The following ELMO1 variants were observed in gnomAD, a reference collection of about 807,000 sequenced individuals.
ELMO1 encodes engulfment and cell motility 1.
In ELMO1, 26 loss-of-function variants were observed where a neutral mutation model predicts 98.9. The ratio of observed to expected loss-of-function variants is 0.26; its 90% CI spans 0.19 to 0.36. ELMO1 has a LOEUF of 0.36. Ranked by LOEUF, ELMO1 falls within the 10% of genes least tolerant of loss-of-function variation. ELMO1 has a pLI of 1.00. For missense variants in ELMO1, 627 were observed against 935.2 expected, an observed-to-expected ratio of 0.67 and a Z score of 4.30; for synonymous variants, 346 against 346.0, an observed-to-expected ratio of 1.00 and a Z score of 0.00.
intron 4 of ELMO1, among the ~76,000 whole-genome samples, chr7:37,292,842 G>A (rs1234885119): frequency 3.6e-5 from 4 of 110,350 alleles, no homozygotes; most frequent in African/African-American, 1.3e-4. Flanking sequence ...GGTGAGGGGC[G>A]CCTCTGCCCG....
At chr7:37,112,629 G>C (rs1281923131) in intron 14 of ELMO1, among the ~76,000 whole-genome samples, 1 of 152,142 alleles carries the variant, frequency 6.6e-6, no homozygotes, top group East Asian at 1.9e-4. Context: ...TTAGTTGTTA[G>C]GGTTGTTATA....
intron 15 of ELMO1, among the ~76,000 whole-genome samples, chr7:37,064,564 T>C (rs1562977190): frequency 6.6e-6 from 1 of 152,178 alleles, no homozygotes; most frequent in African/African-American, 2.4e-5. Context: ...CAGGAAATAA[T>C]ACGGGCAAAG....
chr7:37,375,856 G>A, intron 1 of ELMO1: 1 of 714,062 alleles, frequency 1.4e-6, no homozygotes, highest in Admixed American at 2.0e-5. Flanking sequence ...TCTGGAGACT[G>A]AGCAACCTGC....
chr7:37,215,864 C>T (rs1793250446), intron 11 of ELMO1, among the ~76,000 whole-genome samples: 1 of 152,220 alleles, frequency 6.6e-6, no homozygotes, highest in African/African-American at 2.4e-5. Flanking sequence ...GATCTGTTGG[C>T]CTCACCATAC....
intron 5 of ELMO1, among the ~76,000 whole-genome samples, chr7:37,265,466 T>G (rs1044390336): frequency 3.3e-5 from 5 of 152,112 alleles, no homozygotes; most frequent in African/African-American, 1.2e-4. Context: ...TTTCTCTGCT[T>G]GCATTTTCAG....
chr7:37,281,147 G>A (rs898339351), intron 4 of ELMO1, among the ~76,000 whole-genome samples: 15 of 151,662 alleles, frequency 9.9e-5, no homozygotes, highest in African/African-American at 3.1e-4. Flanking sequence ...AACAAACATC[G>A]TATGTCCTCA....
chr7:37,408,244 G>A (rs1284631172), intron 1 of ELMO1, among the ~76,000 whole-genome samples: 1 of 152,136 alleles, frequency 6.6e-6, no homozygotes, highest in African/African-American at 2.4e-5. Context: ...AATCACAACC[G>A]GTTACACAAT....
chr7:37,341,514 A>G (rs914595183), intron 2 of ELMO1, among the ~76,000 whole-genome samples: 4 of 152,242 alleles, frequency 2.6e-5, no homozygotes, highest in African/African-American at 7.2e-5. Context: ...AGCAGTTAAA[A>G]TGACAATGAT....
chr7:37,024,558 A>G (rs1346604550), intron 15 of ELMO1, among the ~76,000 whole-genome samples: 1 of 152,170 alleles, frequency 6.6e-6, no homozygotes, highest in African/African-American at 2.4e-5. Context: ...AGTGGATAGG[A>G]GTGTCATTCT....
At chr7:37,021,918 T>G (rs1342738389) in intron 15 of ELMO1, among the ~76,000 whole-genome samples, 1 of 152,110 alleles carries the variant, frequency 6.6e-6, no homozygotes, top group Non-Finnish European at 1.5e-5. Flanking sequence ...TATTGGTGTA[T>G]GGATGGAAAA....
chr7:37,164,641 T>C (rs62459287), intron 13 of ELMO1, among the ~76,000 whole-genome samples: 106,195 of 151,134 alleles, frequency 0.7, 40,069 homozygotes, highest in Non-Finnish European at 0.83. Context: ...AAAGATCAGA[T>C]AGTTGTAGAT....
chr7:37,169,200 A>G (rs1789969579), intron 13 of ELMO1, among the ~76,000 whole-genome samples: 1 of 152,218 alleles, frequency 6.6e-6, no homozygotes, highest in South Asian at 2.1e-4. Flanking sequence ...GGAAAAGCGC[A>G]GTATTCGGGT....
intron 16 of ELMO1, among the ~76,000 whole-genome samples, chr7:36,958,496 T>A (rs1270850406): frequency 6.6e-6 from 1 of 152,142 alleles, no homozygotes; most frequent in Non-Finnish European, 1.5e-5. Context: ...ATAACTTAGA[T>A]CCTCATTTCA....
At chr7:37,218,550 G>C (rs546066326) in intron 10 of ELMO1, among the ~76,000 whole-genome samples, 14 of 152,314 alleles carry the variant, frequency 9.2e-5, no homozygotes, top group African/African-American at 3.4e-4. Flanking sequence ...AATTATTGGA[G>C]TAAATGTGAG....
chr7:37,125,644 A>G (rs569141678), intron 14 of ELMO1, among the ~76,000 whole-genome samples: 13 of 152,172 alleles, frequency 8.5e-5, no homozygotes, highest in Admixed American at 2.0e-4. Context: ...AAGTCAGGAA[A>G]CAACAAGTGC....
intron 14 of ELMO1, among the ~76,000 whole-genome samples, chr7:37,115,217 T>G (rs1785507426): frequency 6.6e-6 from 1 of 152,158 alleles, no homozygotes; most frequent in Admixed American, 6.5e-5. Context: ...TTCCAGAAGG[T>G]AGAAGCAGAA....
rs117584054 is a variant in ELMO1, at chr7:37,380,401, C to A, written c.-73-37638G>T. On this transcript the variant is annotated intron_variant, in intron 1 of 21. Transcript: ENST00000310758. ...AGTACCTGGCTACATAGGGGATGGA[C>A]AATTATTTGCTGAATGCTACTGAAA... Among the ~76,000 whole-genome samples, 19 of 152,272 alleles carry A rather than the reference C, an allele frequency of 1.2e-4. No homozygotes were observed. The East Asian group carries it at 3.7e-3, about 29-fold the overall frequency.
intron 16 of ELMO1, among the ~76,000 whole-genome samples, chr7:36,954,339 G>A (rs1261128942): frequency 6.6e-6 from 1 of 152,212 alleles, no homozygotes; most frequent in Non-Finnish European, 1.5e-5. Context: ...TCACCTTCCA[G>A]TGCATCACAG....
At chr7:37,031,368 T>A (rs1349119473) in intron 15 of ELMO1, among the ~76,000 whole-genome samples, 1 of 152,096 alleles carries the variant, frequency 6.6e-6, no homozygotes, top group Admixed American at 6.6e-5. Context: ...AGAAGAAAAT[T>A]TTGCATTTGC....
Sources: allele counts gnomAD v4.1 joint callset (sites outside exome capture counted in the v4.1 genomes callset), GRCh38; gene constraint gnomAD v4.1.1; transcripts MANE v1.5; gene names NCBI Gene and HGNC (gene_info 2026-07-23, HGNC 2026-07-21).